STS: variants seen among roughly 807,000 people sequenced by gnomAD.
STS encodes the protein steryl-sulfatase.
STS carries 7 observed loss-of-function variants against 26.8 expected under a neutral mutation model. The observed-to-expected ratio is 0.26, with a 90% CI of 0.15 to 0.49. The LOEUF is 0.49. STS is among the 20% of genes least tolerant of loss of function. The pLI, the probability that STS is intolerant of heterozygous loss-of-function variation, is 0.98. For missense variants in STS, 434 were observed against 465.6 expected, an observed-to-expected ratio of 0.93 and a Z score of 0.63; for synonymous variants, 199 against 189.4, an observed-to-expected ratio of 1.05 and a Z score of -0.42.
At chrX:7,210,633 T>C (rs1488583805) in intron 2 of STS, among the ~76,000 whole-genome samples, 1 of 107,470 alleles carries the variant, frequency 9.3e-6, no homozygotes, top group Non-Finnish European at 1.9e-5. Context: ...TAATTATAAA[T>C]AAATCAATGT....
intron 1 of STS, among the ~76,000 whole-genome samples, chrX:7,177,996 T>A (rs1331725685): frequency 9.1e-6 from 1 of 110,404 alleles, no homozygotes; most frequent in Non-Finnish European, 1.9e-5. Flanking sequence ...CTCGCTATGT[T>A]GGCTAGGCTG....
chrX:7,235,362 T>C (rs1165236219), intron 2 of STS, among the ~76,000 whole-genome samples: 1 of 112,409 alleles, frequency 8.9e-6, no homozygotes, highest in Non-Finnish European at 1.9e-5. Flanking sequence ...TCTGTACATT[T>C]GCTAAACTAA....
In STS at chrX:7,308,604, T is replaced by C. The variant is rs201285941; in HGVS notation, c.1081+3421T>C. Among the ~76,000 whole-genome samples the C allele has an allele frequency of 3.6e-5, 4 of 111,930 alleles. No individual in the cohort carries two copies. In the East Asian group the frequency reaches 1.1e-3, roughly 32 times the overall value. On this transcript the variant is annotated intron_variant, in intron 8 of 10. Transcript: ENST00000674429. ...TGCAAGCATGTCAGGAGCTACTCCA[T>C]AAATTTCTTTTTTTTTTAAAGAAAT...
intron 9 of STS, among the ~76,000 whole-genome samples, chrX:7,331,693 G>A (rs1756848480): frequency 9.0e-6 from 1 of 110,864 alleles, no homozygotes; most frequent in African/African-American, 3.3e-5. Context: ...AGTGGTTTAA[G>A]ACAATCCCAA....
intron 6 of STS, among the ~76,000 whole-genome samples, chrX:7,263,882 A>G (rs1923875650): frequency 8.9e-6 from 1 of 111,743 alleles, no homozygotes; most frequent in African/African-American, 3.3e-5. Context: ...GAGATAAATT[A>G]TTGAAATTGA....
At chrX:7,195,054 T>C (rs1242305853) in intron 2 of STS, among the ~76,000 whole-genome samples, 2 of 112,158 alleles carry the variant, frequency 1.8e-5, no homozygotes, top group African/African-American at 6.5e-5. Context: ...TATAATCTTA[T>C]AGGACTACCA....
intron 2 of STS, among the ~76,000 whole-genome samples, chrX:7,212,992 T>A (rs779715705): frequency 7.2e-5 from 8 of 111,618 alleles, no homozygotes; most frequent in Non-Finnish European, 1.3e-4. Flanking sequence ...AAAAGTCAGA[T>A]TCACAAAAGA....
At chrX:7,322,954 C>G (rs767786401) in intron 8 of STS, among the ~76,000 whole-genome samples, 9 of 112,069 alleles carry the variant, frequency 8.0e-5, no homozygotes, top group Non-Finnish European at 1.5e-4. Context: ...GCTTCATAGG[C>G]ACCAAGCCTG....
At chrX:7,322,140 C>T (rs1927064758) in intron 8 of STS, among the ~76,000 whole-genome samples, 1 of 112,605 alleles carries the variant, frequency 8.9e-6, no homozygotes, top group African/African-American at 3.2e-5. Flanking sequence ...GATGCTTTTA[C>T]ACCATCTTGA....
chrX:7,287,348 C>T (rs980175395), intron 7 of STS, among the ~76,000 whole-genome samples: 9 of 111,060 alleles, frequency 8.1e-5, no homozygotes, highest in South Asian at 3.8e-4. Context: ...TATGCAAAAC[C>T]GAAGAATATA....
chrX:7,336,287 G>A (rs1393796092), intron 10 of STS, among the ~76,000 whole-genome samples: 2 of 99,523 alleles, frequency 2.0e-5, no homozygotes, highest in Non-Finnish European at 4.0e-5. Context: ...CCTCCTAGGT[G>A]CTAACTTCTT....
chrX:7,242,249 A>G (rs1922653543), intron 2 of STS, among the ~76,000 whole-genome samples: 1 of 110,966 alleles, frequency 9.0e-6, no homozygotes, highest in Non-Finnish European at 1.9e-5. Context: ...CTATTAGTGT[A>G]CTTATTATAC....
intron 8 of STS, among the ~76,000 whole-genome samples, chrX:7,315,398 C>T (rs1474458288): frequency 9.0e-6 from 1 of 111,598 alleles, no homozygotes; most frequent in Non-Finnish European, 1.9e-5. Flanking sequence ...TTTTAAGGAG[C>T]TTTGTAAATG....
rs766047655 is a variant in STS at position 7,169,091 on chromosome X, A to G, written c.-134+21008A>G. ...ATCTGTCTGGTTCTACAACATTTTCATCACCACCGAAAACAACCCTATACC... is the reference window on the plus strand; with the variant it reads ...ATCTGTCTGGTTCTACAACATTTTCGTCACCACCGAAAACAACCCTATACC... On this transcript the variant is annotated intron_variant, in intron 1 of 10. Transcript: ENST00000674429. Among the ~76,000 whole-genome samples, 3 of 111,280 alleles carry G rather than the reference A, an allele frequency of 2.7e-5. No homozygotes were observed. In the South Asian group the frequency reaches 1.2e-3, roughly 44 times the overall value.
intron 3 of STS, 92 bp downstream of exon 3, chrX:7,253,428 T>G (rs185814159): frequency 8.8e-7 from 1 of 1,133,717 alleles, no homozygotes; most frequent in African/African-American, 1.8e-5. Flanking sequence ...GCACAGAACA[T>G]GTAGAAACGT....
chrX:7,184,156 AAG>A (rs1933732964), intron 1 of STS, among the ~76,000 whole-genome samples: 1 of 112,445 alleles, frequency 8.9e-6, no homozygotes, highest in African/African-American at 3.2e-5. Flanking sequence ...AATGCACAAC[AAG>A]GAAGCAACAG....
In STS at chrX:7,352,378, A is replaced by G. The variant is rs1928839833; in HGVS notation, c.*2117A>G. 8.9e-6 allele frequency: 1 copy of G among 112,461 alleles called. No homozygotes were observed. The highest frequency in any genetic ancestry group is 3.7e-4 in the South Asian group (1 of 2,724). The allele number at this position is 112,461 out of a possible 1,213,427, so 9.3% of individuals were successfully genotyped here. On this transcript the variant is annotated 3_prime_UTR_variant, in exon 11 of 11. Transcript: ENST00000674429. ...AATGTCAATAGCAAATGAAGGATGA[A>G]GTATATCTCTAGATGCAAATACATT...
chrX:7,205,641 C>CTTTT (rs11318727), intron 2 of STS, among the ~76,000 whole-genome samples: 4 of 87,997 alleles, frequency 4.5e-5, no homozygotes, highest in African/African-American at 1.7e-4. Context: ...TTTCTTTTTT[C>CTTTT]TTTTTTTTTT....
chrX:7,252,575 A>C lies in STS; in HGVS notation c.-4-621A>C, dbSNP rs747536848. Among the ~76,000 whole-genome samples the C allele has an allele frequency of 1.7e-4, 19 of 111,746 alleles. 1 individual carries two copies. Among genetic ancestry groups the C allele is most frequent in the African/African-American group, 5.5e-4 (17 of 30,742 alleles). On this transcript the variant is annotated intron_variant, in intron 2 of 10. Coordinates refer to ENST00000674429, the MANE Select transcript of STS (RefSeq NM_001320752.2). ...GAAAGCCCACGTCCTCCTCAACAAG[A>C]AGGGGTCTAACTCAAAGGAAGCAGG...
Sources: allele counts gnomAD v4.1 joint callset (sites outside exome capture counted in the v4.1 genomes callset), GRCh38; gene constraint gnomAD v4.1.1; transcripts MANE v1.5; gene names NCBI Gene and HGNC (gene_info 2026-07-23, HGNC 2026-07-21).